Variants in USH2A observed in about 807,000 individuals in gnomAD.
USH2A encodes the protein Usher syndrome 2A (autosomal recessive, mild).
A neutral mutation model predicts 538.9 loss-of-function variants in USH2A; 443 were observed. The ratio of observed to expected loss-of-function variants is 0.82; its 90% CI spans 0.76 to 0.89. The LOEUF is 0.89. Among genes scored for constraint, USH2A ranks in the 40% least tolerant of loss-of-function variants. The pLI, the probability that USH2A is intolerant of heterozygous loss-of-function variation, is 0.00. For missense variants in USH2A, 6,633 were observed against 6,324.8 expected, an observed-to-expected ratio of 1.05 and a Z score of -1.65; for synonymous variants, 2,413 against 2,273.5, an observed-to-expected ratio of 1.06 and a Z score of -1.75.
chr1:216,378,134 T>C (rs2038870497), intron 3 of USH2A, among the ~76,000 whole-genome samples: 1 of 151,850 alleles, frequency 6.6e-6, no homozygotes. Context: ...AAAAAGAAAA[T>C]TAATGAGCCT....
chr1:216,250,263 C>G (rs766993075), intron 12 of USH2A, among the ~76,000 whole-genome samples: 1 of 151,884 alleles, frequency 6.6e-6, no homozygotes, highest in Admixed American at 6.6e-5. Context: ...CAAAAAAGCA[C>G]GTCTTGTATA....
intron 11 of USH2A, among the ~76,000 whole-genome samples, chr1:216,262,568 C>A (rs2036395846): frequency 6.6e-6 from 1 of 151,666 alleles, no homozygotes; most frequent in African/African-American, 2.4e-5. Context: ...AGAAAGCCTA[C>A]AGGACTTGTG....
At position 216,086,862 on chromosome 1, in the gene USH2A, T is replaced by C. The variant is rs773163632; in HGVS notation, c.4886-42A>G. On this transcript the variant is annotated intron_variant, in intron 23 of 71. Transcript: ENST00000307340. ...GAGAAATACACCTTCACCAGGATAC[T>C]CTAGTTTTACTAGCTCAGCAAATAA... is the stretch of plus-strand genomic sequence containing the variant. 8 of 1,490,608 alleles carry C rather than the reference T, an allele frequency of 5.4e-6. No homozygotes were observed. In the South Asian group the frequency reaches 6.8e-5, roughly 13 times the overall value. The allele number at this position is 1,490,608 out of a possible 1,614,324, so 92.3% of individuals were successfully genotyped here. A position where few individuals can be genotyped will look rare whatever the true frequency, so the allele number is the denominator to read the frequency against.
intron 56 of USH2A, among the ~76,000 whole-genome samples, chr1:215,761,779 C>A (rs1260331400): frequency 6.6e-6 from 1 of 152,014 alleles, no homozygotes; most frequent in Non-Finnish European, 1.5e-5. Context: ...GATGGAGAAG[C>A]CAGCAGTGAG....
At chr1:216,079,087 A>C (rs1215793952) in intron 26 of USH2A, 1 of 152,174 alleles carries the variant, frequency 6.6e-6, no homozygotes. Context: ...CATATCAGTA[A>C]CCATATGATA....
At chr1:216,284,007 G>A (rs906730328) in intron 11 of USH2A, among the ~76,000 whole-genome samples, 1 of 151,928 alleles carries the variant, frequency 6.6e-6, no homozygotes, top group South Asian at 2.1e-4. Flanking sequence ...AGGTTATTCT[G>A]AACTGTCTTC....
intron 48 of USH2A, among the ~76,000 whole-genome samples, chr1:215,814,728 A>ACT (rs1449912036): frequency 6.6e-5 from 10 of 152,118 alleles, no homozygotes; most frequent in South Asian, 2.1e-4. Context: ...AGTCTGCAGA[A>ACT]CTGTGAGTCA....
chr1:216,383,724 C>T (rs2038957367), intron 3 of USH2A, among the ~76,000 whole-genome samples: 1 of 152,138 alleles, frequency 6.6e-6, no homozygotes, highest in African/African-American at 2.4e-5. Context: ...GTTGCCTAGG[C>T]TGGAGTGCAG....
At chr1:216,217,929 A>G (rs2035375905) in intron 14 of USH2A, among the ~76,000 whole-genome samples, 1 of 152,116 alleles carries the variant, frequency 6.6e-6, no homozygotes, top group African/African-American at 2.4e-5. Flanking sequence ...CTAAACATTT[A>G]GATTAGGTAC....
chr1:216,032,951 C>T (rs958512311), intron 32 of USH2A, among the ~76,000 whole-genome samples: 8 of 152,174 alleles, frequency 5.3e-5, no homozygotes, highest in Non-Finnish European at 1.0e-4. Context: ...GCCCTAATTA[C>T]GAACCCAATT....
chr1:215,733,339 C>G (rs1216156648), intron 60 of USH2A, among the ~76,000 whole-genome samples: 2 of 152,186 alleles, frequency 1.3e-5, no homozygotes, highest in Non-Finnish European at 2.9e-5. Flanking sequence ...ATGCAATCAC[C>G]TCCCACTAGG....
At chr1:216,330,115 G>A (rs1423316202) in intron 4 of USH2A, among the ~76,000 whole-genome samples, 1 of 151,960 alleles carries the variant, frequency 6.6e-6, no homozygotes, top group Non-Finnish European at 1.5e-5. Flanking sequence ...CTGAACCATG[G>A]CTTTAAATGT....
intron 40 of USH2A, among the ~76,000 whole-genome samples, chr1:215,890,718 A>G (rs917855487): frequency 2.0e-5 from 3 of 152,170 alleles, no homozygotes; most frequent in Non-Finnish European, 2.9e-5. Context: ...TTATATCAAA[A>G]TGGGGATACA....
chr1:215,936,616 T>C (rs1239680617), intron 37 of USH2A, among the ~76,000 whole-genome samples: 1 of 152,096 alleles, frequency 6.6e-6, no homozygotes, highest in Non-Finnish European at 1.5e-5. Context: ...AATGATGTTA[T>C]TGTTTTTGTT....
chr1:215,933,443 T>A (rs1666412354), intron 38 of USH2A, among the ~76,000 whole-genome samples: 1 of 152,048 alleles, frequency 6.6e-6, no homozygotes, highest in Non-Finnish European at 1.5e-5. Flanking sequence ...CAAAAGTTTC[T>A]TTTATGCATT....
chr1:216,339,577 TA>T (rs967105590), intron 4 of USH2A, among the ~76,000 whole-genome samples: 1 of 151,352 alleles, frequency 6.6e-6, no homozygotes, highest in African/African-American at 2.4e-5. Flanking sequence ...ACTGATATTT[TA>T]AAAAGTTATT....
intron 32 of USH2A, among the ~76,000 whole-genome samples, chr1:216,031,239 T>C (rs1030284389): frequency 9.2e-5 from 14 of 152,096 alleles, no homozygotes; most frequent in African/African-American, 3.1e-4. Flanking sequence ...TGTGCTTTTA[T>C]AATGATGTCA....
intron 13 of USH2A, among the ~76,000 whole-genome samples, chr1:216,240,032 A>G (rs1408276179): frequency 6.3e-4 from 93 of 147,384 alleles, no homozygotes; most frequent in South Asian, 1.7e-3. Flanking sequence ...AAAAAAAAAA[A>G]AGAGAGAAGG....
At chr1:215,714,271 G>A (rs957103381) in intron 61 of USH2A, among the ~76,000 whole-genome samples, 4 of 152,212 alleles carry the variant, frequency 2.6e-5, no homozygotes, top group African/African-American at 9.6e-5. Flanking sequence ...AATAAAGACA[G>A]AAGAGGAATA....
Sources: allele counts gnomAD v4.1 joint callset (sites outside exome capture counted in the v4.1 genomes callset), GRCh38; gene constraint gnomAD v4.1.1; transcripts MANE v1.5; gene names NCBI Gene and HGNC (gene_info 2026-07-23, HGNC 2026-07-21).